The following UBR7 variants were observed in gnomAD, a reference collection of about 807,000 sequenced individuals.
The protein encoded by UBR7 is putative E3 ubiquitin-protein ligase UBR7.
In UBR7, 22 loss-of-function variants were observed where a neutral mutation model predicts 57.0. The observed-to-expected ratio is 0.39, with a 90% CI of 0.28 to 0.55. The LOEUF is 0.55. UBR7 is among the 20% of genes least tolerant of loss of function. The pLI is 0.69. For missense variants in UBR7, 395 were observed against 513.2 expected, an observed-to-expected ratio of 0.77 and a Z score of 2.23; for synonymous variants, 167 against 179.8, an observed-to-expected ratio of 0.93 and a Z score of 0.57.
chr14:93,226,354 A>G (rs1434039671), intron 10 of UBR7, among the ~76,000 whole-genome samples: 1 of 152,180 alleles, frequency 6.6e-6, no homozygotes. Flanking sequence ...TTACCTCAGT[A>G]AAAAATAAAC....
At chr14:93,222,789 A>G (rs534958292) in intron 10 of UBR7, among the ~76,000 whole-genome samples, 7 of 152,134 alleles carry the variant, frequency 4.6e-5, no homozygotes, top group Non-Finnish European at 1.0e-4. Context: ...TGAGAGTTGA[A>G]TTCAGGGACT....
intron 4 of UBR7, 26 bp from the exon 5 acceptor site, chr14:93,214,903 C>G (rs1457508795): frequency 3.7e-6 from 6 of 1,607,266 alleles, no homozygotes; most frequent in Non-Finnish European, 4.3e-6. Context: ...CAATGTAATC[C>G]TTAACAAACT....
chr14:93,224,297 T>G (rs1366447348), intron 10 of UBR7, among the ~76,000 whole-genome samples: 1 of 152,020 alleles, frequency 6.6e-6, no homozygotes, highest in Non-Finnish European at 1.5e-5. Context: ...TAAAAGAGCC[T>G]TCTTCTAAGT....
At chr14:93,215,129 G>A in intron 5 of UBR7, 47 bp from the exon 6 acceptor site, 1 of 1,517,112 alleles carries the variant, frequency 6.6e-7, no homozygotes, top group South Asian at 1.2e-5. Context: ...GGGCATTTTG[G>A]ACAATTTGGC....
chr14:93,215,136 T>A, intron 5 of UBR7, 40 bp from the exon 6 acceptor site: 1 of 1,528,764 alleles, frequency 6.5e-7, no homozygotes, highest in South Asian at 1.2e-5. Flanking sequence ...TTGGACAATT[T>A]GGCAATCACA....
intron 4 of UBR7, among the ~76,000 whole-genome samples, chr14:93,213,837 C>A (rs867669458): frequency 6.6e-6 from 1 of 152,038 alleles, no homozygotes; most frequent in South Asian, 2.1e-4. Flanking sequence ...TTTCTAATTG[C>A]GTTGGAACTA....
rs779746473 is a variant in UBR7 at position 93,210,698 on chromosome 14, A to G, written c.335A>G (p.Lys112Arg). Reference sequence around the variant, plus strand: ...AGCAAGTTTAAAAATTTGGAATGCAAATTACTTCCTGTAAGTAAGCACTGT... The same window carrying G: ...AGCAAGTTTAAAAATTTGGAATGCAGATTACTTCCTGTAAGTAAGCACTGT... The part of the protein sequence containing the change: ...GNSKFKNLEC[K>R]LLPDKAKVNS... Residue 112 changes from lysine to arginine, a missense_variant, in exon 3 of 11, where the codon AAA becomes AGA. Transcript: ENST00000013070. 13 of 1,609,362 alleles carry G rather than the reference A, an allele frequency of 8.1e-6. No individual in the cohort carries two copies. Among genetic ancestry groups the G allele is most frequent in the East Asian group, 6.7e-5 (3 of 44,748 alleles).
chr14:93,224,222 T>G, intron 10 of UBR7: 1 of 507,114 alleles, frequency 2.0e-6, no homozygotes, highest in Non-Finnish European at 3.5e-6. Context: ...AACATTTAAC[T>G]GCCTGAATTT....
At chr14:93,215,440 C>T (rs1374377066) in intron 6 of UBR7, among the ~76,000 whole-genome samples, 159 bp downstream of exon 6, 5 of 152,134 alleles carry the variant, frequency 3.3e-5, no homozygotes, top group African/African-American at 1.2e-4. Context: ...AATCCCAGCA[C>T]TTTGGGAGGC....
rs1263834069 is a variant in UBR7, at chr14:93,221,031, T to G, written c.1123+620T>G. ...TGCATTCTCAGCTCACTGCAACCTC[T>G]GCTGCCCAGGCTCAAGTGATTCTCC... On this transcript the variant is annotated intron_variant, in intron 9 of 10. Coordinates refer to ENST00000013070, the MANE Select transcript of UBR7 (RefSeq NM_175748.4). Among the ~76,000 whole-genome samples, 3 of 152,088 alleles carry G rather than the reference T, an allele frequency of 2.0e-5. No homozygotes were observed. In the East Asian group the frequency reaches 5.8e-4, roughly 29 times the overall value.
In UBR7 at chr14:93,227,170, C is replaced by G. The variant is rs1894873423; in HGVS notation, c.*135C>G. 1.5e-6 allele frequency: 1 copy of G among 685,750 alleles called. No individual in the cohort carries two copies. Among genetic ancestry groups the G allele is most frequent in the Non-Finnish European group, 2.6e-6 (1 of 384,952 alleles). The allele number at this position is 685,750 out of a possible 1,614,324, so 42.5% of individuals were successfully genotyped here. A position where few individuals can be genotyped will look rare whatever the true frequency, so the allele number is the denominator to read the frequency against. On this transcript the variant is annotated 3_prime_UTR_variant, in exon 11 of 11. Coordinates refer to ENST00000013070, the MANE Select transcript of UBR7 (RefSeq NM_175748.4). Reference sequence around the variant, plus strand: ...AGAGGCCTCGCGCTCCCTTCATTCTCTTTAGCTGCAGTAGCCACCGTGTGG... The same window carrying G: ...AGAGGCCTCGCGCTCCCTTCATTCTGTTTAGCTGCAGTAGCCACCGTGTGG...
chr14:93,217,796 T>C (rs1416092350), intron 6 of UBR7, among the ~76,000 whole-genome samples: 1 of 152,120 alleles, frequency 6.6e-6, no homozygotes, highest in Non-Finnish European at 1.5e-5. Flanking sequence ...TATTTTAATA[T>C]CAGAAAAAGT....
intron 2 of UBR7, 128 bp downstream of exon 2, chr14:93,210,085 ATTT>A (rs1894449853): frequency 2.1e-5 from 13 of 607,856 alleles, no homozygotes; most frequent in African/African-American, 8.1e-5. Context: ...TAATTAATTT[ATTT>A]ATTTATTTAT....
Position 93,227,373 on chromosome 14 carries a change from ATG to A in UBR7, c.*346_*347del. On this transcript the variant is annotated 3_prime_UTR_variant, in exon 11 of 11. Coordinates refer to ENST00000013070, the MANE Select transcript of UBR7 (RefSeq NM_175748.4). ...TAATGATCTGTTATTTCACTCCCAG[ATG>A]TGTGTGTTTTGCCACAGAGCTGTTG... 1 of 638,050 alleles carries A rather than the reference ATG, an allele frequency of 1.6e-6. No homozygotes were observed. The highest frequency in any genetic ancestry group is 2.9e-6 in the Non-Finnish European group (1 of 346,016). 39.5% of individuals were successfully genotyped at this position (638,050 alleles called of 1,614,324 possible). A position where few individuals can be genotyped will look rare whatever the true frequency, so the allele number is the denominator to read the frequency against.
intron 9 of UBR7, among the ~76,000 whole-genome samples, chr14:93,221,090 C>T (rs888522323): frequency 4.0e-5 from 6 of 151,200 alleles, no homozygotes; most frequent in Non-Finnish European, 5.9e-5. Flanking sequence ...TGACCACAGA[C>T]GCATGCCACT....
intron 10 of UBR7, among the ~76,000 whole-genome samples, chr14:93,226,651 G>A (rs1353803781): frequency 1.3e-5 from 2 of 152,004 alleles, no homozygotes; most frequent in African/African-American, 2.4e-5. Context: ...AAATTAGCCG[G>A]GCTTGGTGGC....
In UBR7 at chr14:93,227,162, T is replaced by G; in HGVS notation, c.*127T>G. 1.4e-6 allele frequency: 1 copy of G among 700,892 alleles called. No individual in the cohort carries two copies. The highest frequency in any genetic ancestry group is 2.5e-6 in the Non-Finnish European group (1 of 398,482). 43.4% of individuals were successfully genotyped at this position (700,892 alleles called of 1,614,324 possible). ...CTGTTTGGAGAGGCCTCGCGCTCCCTTCATTCTCTTTAGCTGCAGTAGCCA... is the reference window on the plus strand; with the variant it reads ...CTGTTTGGAGAGGCCTCGCGCTCCCGTCATTCTCTTTAGCTGCAGTAGCCA... On this transcript the variant is annotated 3_prime_UTR_variant, in exon 11 of 11. Transcript: ENST00000013070.
intron 4 of UBR7, among the ~76,000 whole-genome samples, chr14:93,214,639 A>AGTCCCAGTTGTCACTGTCTGCACTG (rs1894554799): frequency 1.3e-5 from 2 of 152,236 alleles, no homozygotes; most frequent in Non-Finnish European, 2.9e-5. Context: ...TGTGGTAAAA[A>AGTCCCAGTTGTCACTGTCTGCACTG]GTCCCAGTTG....
chr14:93,208,291 A>C (rs1894409037), intron 1 of UBR7, among the ~76,000 whole-genome samples: 1 of 151,920 alleles, frequency 6.6e-6, no homozygotes, highest in Non-Finnish European at 1.5e-5. Flanking sequence ...GAGGGGAGAG[A>C]CTTGTATTCA....
Sources: allele counts gnomAD v4.1 joint callset (sites outside exome capture counted in the v4.1 genomes callset), GRCh38; gene constraint gnomAD v4.1.1; transcripts MANE v1.5; gene names NCBI Gene and HGNC (gene_info 2026-07-23, HGNC 2026-07-21).